The following ERICH3 variants were observed in gnomAD, a reference collection of about 807,000 sequenced individuals.
ERICH3 encodes glutamate rich 3.
A neutral mutation model predicts 131.1 loss-of-function variants in ERICH3; 126 were observed. The observed-to-expected ratio is 0.96, with a 90% CI of 0.83 to 1.11. The LOEUF (loss-of-function observed/expected upper bound fraction) is 1.11, where lower values mean the gene tolerates loss of function less well. Ranked by LOEUF, ERICH3 falls within the 50% of genes most tolerant of loss-of-function variation. The pLI is 0.00. For missense variants in ERICH3, 2,050 were observed against 1,810.7 expected, an observed-to-expected ratio of 1.13 and a Z score of -2.40; for synonymous variants, 695 against 644.6, an observed-to-expected ratio of 1.08 and a Z score of -1.18.
intron 13 of ERICH3, among the ~76,000 whole-genome samples, chr1:74,574,126 G>A (rs1448399852): frequency 6.6e-6 from 1 of 151,526 alleles, no homozygotes; most frequent in Non-Finnish European, 1.5e-5. Context: ...GGGTAGCTGG[G>A]ACCATAGATG....
In ERICH3 at chr1:74,573,738, T is replaced by A. The variant is rs192184256; in HGVS notation, c.2219-247A>T. 4.7e-3 allele frequency among the ~76,000 whole-genome samples: 708 copies of A among 152,214 alleles called. 3 individuals are homozygous for A. The highest frequency in any genetic ancestry group is 6.3e-3 in the Non-Finnish European group (431 of 68,018). The stretch of plus-strand genomic sequence containing the variant: ...TTCAAATTTAAGGAACACATTGATA[T>A]TAAAGAAAAGCTGATCATCAGAGAT... On this transcript the variant is annotated intron_variant, in intron 13 of 14. Transcript: ENST00000326665.
chr1:74,580,190 C>T (rs1360446331), intron 12 of ERICH3, among the ~76,000 whole-genome samples: 2 of 151,936 alleles, frequency 1.3e-5, no homozygotes, highest in Non-Finnish European at 2.9e-5. Flanking sequence ...ATTTTTTACT[C>T]GATTCTTACT....
Position 74,620,927 on chromosome 1 carries a change from G to T in ERICH3, c.820-13C>A. ...TCCTTCTTGAATCCTGAAATAAACA[G>T]AAAAATGAGGCTTATTAACGAATTA... On this transcript the variant is annotated splice_polypyrimidine_tract_variant and intron_variant, in intron 7 of 14. Coordinates refer to ENST00000326665, the MANE Select transcript of ERICH3 (RefSeq NM_001002912.5). 6.5e-7 allele frequency: 1 copy of T among 1,530,538 alleles called. No homozygotes were observed. Among genetic ancestry groups the T allele is most frequent in the Non-Finnish European group, 8.8e-7 (1 of 1,136,274 alleles). 94.8% of individuals were successfully genotyped at this position (1,530,538 alleles called of 1,614,324 possible).
At chr1:74,585,838 CTT>C (rs1337171308) in intron 12 of ERICH3, among the ~76,000 whole-genome samples, 2 of 152,000 alleles carry the variant, frequency 1.3e-5, no homozygotes, top group Non-Finnish European at 1.5e-5. Flanking sequence ...ATATTTTTGA[CTT>C]TTAAATCTAT....
intron 7 of ERICH3, chr1:74,625,230 A>T (rs1285827386): frequency 6.6e-6 from 1 of 151,974 alleles, no homozygotes; most frequent in Non-Finnish European, 1.5e-5. Context: ...AAAAACCCAC[A>T]TTTTAAAATA....
intron 10 of ERICH3, among the ~76,000 whole-genome samples, chr1:74,600,947 A>T (rs968319518): frequency 6.6e-6 from 1 of 151,736 alleles, no homozygotes; most frequent in South Asian, 2.1e-4. Context: ...AGAGCTGTCC[A>T]CCCAGTGAAA....
intron 10 of ERICH3, among the ~76,000 whole-genome samples, chr1:74,605,231 T>G (rs1648329446): frequency 6.6e-6 from 1 of 151,966 alleles, no homozygotes; most frequent in African/African-American, 2.4e-5. Flanking sequence ...CTTCATAGAA[T>G]TGAAGAGAAT....
chr1:74,653,443 A>G (rs61776688), intron 1 of ERICH3, among the ~76,000 whole-genome samples: 2 of 151,434 alleles, frequency 1.3e-5, no homozygotes, highest in African/African-American at 4.8e-5. Context: ...GAGAGAGGAG[A>G]AAGAGAGAGA....
chr1:74,669,824 T>A (rs1251047003), intron 1 of ERICH3, among the ~76,000 whole-genome samples: 1 of 152,224 alleles, frequency 6.6e-6, no homozygotes, highest in Admixed American at 6.5e-5. Flanking sequence ...AAGGAAGCAC[T>A]AAGAGAAGGA....
In ERICH3 at chr1:74,573,093, C is replaced by A; in HGVS notation, c.2617G>T (p.Asp873Tyr). 2 of 1,614,142 alleles carry A rather than the reference C, an allele frequency of 1.2e-6. No homozygotes were observed. Among genetic ancestry groups the A allele is most frequent in the Non-Finnish European group, 8.5e-7 (1 of 1,179,990 alleles). ...AAKDAVGLSK[D>Y]EAPEKQALML... ...AAGGCTTGCTTTTCAGGAGCCTCAT[C>A]TTTACTCAGACCCACAGCATCTTTT... Residue 873 changes from aspartate (D) to tyrosine (Y), a missense_variant, in exon 14 of 15, where the codon GAT becomes TAT. Physicochemically the swap from Asp to Tyr is radical, Grantham distance 160 (BLOSUM62 -3). Coordinates refer to ENST00000326665, the MANE Select transcript of ERICH3 (RefSeq NM_001002912.5).
chr1:74,589,875 A>G lies in ERICH3; in HGVS notation c.1932T>C (p.Ile644=), dbSNP rs1486528538. Residue 644 remains isoleucine, a synonymous_variant, in exon 12 of 15, where the codon ATT becomes ATC. Coordinates refer to ENST00000326665, the MANE Select transcript of ERICH3 (RefSeq NM_001002912.5). ...CTGCTTTTGTTATTTCTTGGTCTTC[A>G]ATTTCAATTTCTAAGGATTCCTCAA... The part of the protein sequence containing the change: ...LPIEESLEIE[I]EDQEITKADV... 6.2e-7 allele frequency: 1 copy of G among 1,613,876 alleles called. No homozygotes were observed. The highest frequency in any genetic ancestry group is 1.3e-5 in the African/African-American group (1 of 74,870).
chr1:74,639,705 T>G (rs1646420992), intron 5 of ERICH3, among the ~76,000 whole-genome samples: 1 of 152,016 alleles, frequency 6.6e-6, no homozygotes, highest in African/African-American at 2.4e-5. Flanking sequence ...TTAATGGGAG[T>G]GGTACAGCTA....
intron 7 of ERICH3, chr1:74,623,238 A>G (rs1030257133): frequency 6.6e-6 from 1 of 151,922 alleles, no homozygotes; most frequent in African/African-American, 2.4e-5. Context: ...GTTGCTTATG[A>G]CTTTCCTTCT....
intron 9 of ERICH3, 91 bp from the exon 10 acceptor site, chr1:74,606,993 C>A: frequency 8.2e-7 from 1 of 1,219,170 alleles, no homozygotes; most frequent in Non-Finnish European, 1.1e-6. Flanking sequence ...TCTCTTATTC[C>A]AGTAAAAAAA....
intron 7 of ERICH3, chr1:74,625,986 A>G: frequency 6.6e-6 from 1 of 152,290 alleles, no homozygotes; most frequent in East Asian, 1.9e-4. Context: ...TATCAAAGAC[A>G]TAGTATAAGA....
intron 9 of ERICH3, among the ~76,000 whole-genome samples, chr1:74,612,200 G>T (rs550496849): frequency 2.0e-5 from 3 of 152,086 alleles, no homozygotes; most frequent in Non-Finnish European, 4.4e-5. Context: ...AGGCATAACC[G>T]AAAATGTCCA....
At chr1:74,636,741 T>C (rs1374447959) in intron 5 of ERICH3, among the ~76,000 whole-genome samples, 4 of 152,202 alleles carry the variant, frequency 2.6e-5, no homozygotes, top group Non-Finnish European at 5.9e-5. Flanking sequence ...CAATAACTAA[T>C]TTATGCTCTT....
Position 74,589,953 on chromosome 1 carries a change from T to C in ERICH3, c.1854A>G (p.Ser618=). 1.2e-6 allele frequency: 2 copies of C among 1,614,068 alleles called. No homozygotes were observed. The highest frequency in any genetic ancestry group is 2.7e-5 in the African/African-American group (2 of 75,048). The change falls in exon 12 of 15, where the codon TCA becomes TCG. Residue 618 remains serine, a synonymous_variant. Transcript: ENST00000326665. ...CATTTTCACTCAGTTCCTGAGAAGA[T>C]GACCTTCTGGCACTTTCATCTGTGC... is the stretch of plus-strand genomic sequence containing the variant. ...DSSTDESARR[S]SSQELSENDK...
intron 11 of ERICH3, among the ~76,000 whole-genome samples, chr1:74,597,719 T>A (rs1400454426): frequency 2.0e-5 from 3 of 152,014 alleles, no homozygotes; most frequent in Non-Finnish European, 4.4e-5. Flanking sequence ...ATCAGCTATG[T>A]CAATATGCAG....
Sources: gnomAD v4.1 joint callset for allele counts (sites outside exome capture counted in the v4.1 genomes callset) on GRCh38, gnomAD v4.1.1 for gene constraint, MANE v1.5 for transcripts, NCBI Gene and HGNC (gene_info 2026-07-23, HGNC 2026-07-21) for gene names.